UTP6: variants seen among roughly 807,000 people sequenced by gnomAD.
The protein encoded by UTP6 is UTP6 small subunit processome component, also known as U3 small nucleolar RNA-associated protein 6 homolog.
A neutral mutation model predicts 96.5 loss-of-function variants in UTP6; 60 were observed. The observed-to-expected ratio is 0.62, with a 90% CI of 0.51 to 0.77. The LOEUF is 0.77. Among genes scored for constraint, UTP6 ranks in the 30% least tolerant of loss-of-function variants. The pLI is 0.00. For missense variants in UTP6, 637 were observed against 706.5 expected (o/e 0.90, Z 1.12); for synonymous variants, 215 against 240.1 (o/e 0.90, Z 0.96).
rs1330024986 is a variant in UTP6, at chr17:31,865,414, T to C, written c.1588A>G (p.Arg530Gly). 5.0e-6 allele frequency: 8 copies of C among 1,613,652 alleles called. No homozygotes were observed. Among genetic ancestry groups the C allele is most frequent in the Non-Finnish European group, 6.8e-6 (8 of 1,179,686 alleles). ...CTCAAAGCTCTCTCATAATATTCTC[T>C]TATGTTCGCCATATTGCAGGATTCC... is the stretch of plus-strand genomic sequence containing the variant. ...EQESCNMANI[R>G]EYYERALREF... The change falls in exon 18 of 19, where the codon AGA (arginine) becomes GGA (glycine). Residue 530 changes from arginine to glycine, a missense_variant. Physicochemically the swap from Arg to Gly is moderately radical, Grantham distance 125 (BLOSUM62 -2). Coordinates refer to ENST00000261708, the MANE Select transcript of UTP6 (RefSeq NM_018428.3).
At chr17:31,892,901 G>A (rs952710310) in intron 4 of UTP6, 107 bp from the exon 5 acceptor site, 75 of 1,313,940 alleles carry the variant, frequency 5.7e-5, no homozygotes, top group African/African-American at 2.6e-4. Flanking sequence ...GGTTGGATGC[G>A]GTGGCTCACA....
intron 17 of UTP6, among the ~76,000 whole-genome samples, chr17:31,866,306 A>G (rs1437998369): frequency 6.7e-6 from 1 of 148,826 alleles, no homozygotes; most frequent in South Asian, 2.1e-4. Flanking sequence ...AAAAAAAAAA[A>G]GTATTCTTGC....
At chr17:31,881,543 G>T (rs950994944) in intron 10 of UTP6, among the ~76,000 whole-genome samples, 3 of 151,984 alleles carry the variant, frequency 2.0e-5, no homozygotes, top group Non-Finnish European at 4.4e-5. Context: ...TGCTGGGTGG[G>T]ATTACAGTGT....
At chr17:31,878,181 G>C in intron 13 of UTP6, 69 bp downstream of exon 13, 1 of 1,503,534 alleles carries the variant, frequency 6.7e-7, no homozygotes, top group Non-Finnish European at 9.2e-7. Context: ...TTTAAAACAT[G>C]ACTCTGGCAC....
chr17:31,875,342 A>C lies in UTP6; in HGVS notation c.1197T>G (p.Phe399Leu), dbSNP rs765541561. ...LEVAVAGTEL[F>L]RDSGTMWQLK... ...GCTGCCACATTGTCCCAGAGTCTCT[A>C]AACAATTCAGTTCCAGCTACTGCCA... The change falls in exon 14 of 19, where the codon TTT (phenylalanine) becomes TTG (leucine). Residue 399 changes from phenylalanine (F) to leucine (L), a missense_variant. By Grantham distance (22) the Phe-to-Leu change is conservative. Coordinates refer to ENST00000261708, the MANE Select transcript of UTP6 (RefSeq NM_018428.3). 1.2e-6 allele frequency: 2 copies of C among 1,614,186 alleles called. No homozygotes were observed. Among genetic ancestry groups the C allele is most frequent in the African/African-American group, 1.3e-5 (1 of 75,050 alleles).
chr17:31,887,167 C>G, intron 8 of UTP6, 69 bp downstream of exon 8: 7 of 1,339,734 alleles, frequency 5.2e-6, no homozygotes, highest in Non-Finnish European at 7.3e-6. Flanking sequence ...AATATTTTCT[C>G]TTACTCCTAA....
chr17:31,887,198 A>G, intron 8 of UTP6, 38 bp downstream of exon 8: 4 of 1,548,942 alleles, frequency 2.6e-6, no homozygotes, highest in South Asian at 1.1e-5. Context: ...AATGTTATAC[A>G]TCGTTAGCAA....
intron 12 of UTP6, 151 bp from the exon 13 acceptor site, chr17:31,878,478 T>C (rs1910627719): frequency 4.8e-6 from 4 of 837,078 alleles, no homozygotes; most frequent in Non-Finnish European, 7.6e-6. Flanking sequence ...ATAGATGCAA[T>C]GGGCAGCTGC....
chr17:31,901,107 A>G (rs981305318), intron 1 of UTP6, among the ~76,000 whole-genome samples: 1 of 152,168 alleles, frequency 6.6e-6, no homozygotes, highest in Non-Finnish European at 1.5e-5. Flanking sequence ...CCCACCTTCA[A>G]GTCTAGTTAG....
Position 31,901,638 on chromosome 17 carries a change from G to C in UTP6, c.-11C>G. On this transcript the variant is annotated 5_prime_UTR_variant, in exon 1 of 19. Transcript: ENST00000261708. ...AATTATCTCTGCCATGAGGTCCGAG[G>C]TCTACAACCCCGCGGGTAGCTTCTC... 1 of 1,612,784 alleles carries C rather than the reference G, an allele frequency of 6.2e-7. No individual in the cohort carries two copies. The highest frequency in any genetic ancestry group is 1.3e-5 in the African/African-American group (1 of 74,992).
chr17:31,896,866 G>A (rs1904683150), intron 2 of UTP6, among the ~76,000 whole-genome samples: 1 of 151,932 alleles, frequency 6.6e-6, no homozygotes, highest in Non-Finnish European at 1.5e-5. Context: ...GAACTCCTGG[G>A]CTCAAGCGAT....
intron 16 of UTP6, among the ~76,000 whole-genome samples, chr17:31,868,325 G>GTTTTTTTT (rs33960994): frequency 2.8e-4 from 25 of 90,500 alleles, no homozygotes; most frequent in African/African-American, 3.4e-4. Context: ...TAGTTTTTTG[G>GTTTTTTTT]TTTTTTTTTT....
In UTP6 at chr17:31,865,398, C is replaced by G. The variant is rs780634050; in HGVS notation, c.1604G>C (p.Arg535Thr). ...TGCGGATCCAAACTCTCTCAAAGCT[C>G]TCTCATAATATTCTCTTATGTTCGC... ...NMANIREYYE[R>T]ALREFGSADS... Residue 535 changes from arginine to threonine, a missense_variant, in exon 18 of 19, where the codon AGA becomes ACA. By Grantham distance (71) the Arg-to-Thr change is moderately conservative (BLOSUM62 -1). Coordinates refer to ENST00000261708, the MANE Select transcript of UTP6 (RefSeq NM_018428.3). The G allele has an allele frequency of 6.2e-7, 1 of 1,613,962 alleles. No individual in the cohort carries two copies. The highest frequency in any genetic ancestry group is 8.5e-7 in the Non-Finnish European group (1 of 1,179,980).
chr17:31,889,502 T>C (rs1465661591), intron 6 of UTP6, 99 bp from the exon 7 acceptor site: 3 of 961,780 alleles, frequency 3.1e-6, no homozygotes, highest in Non-Finnish European at 4.6e-6. Flanking sequence ...ACAATTTTTT[T>C]TTTTTTTTTT....
intron 2 of UTP6, among the ~76,000 whole-genome samples, chr17:31,895,351 G>A (rs756290730): frequency 2.6e-5 from 4 of 152,252 alleles, no homozygotes; most frequent in Non-Finnish European, 4.4e-5. Flanking sequence ...AAAACAGTTC[G>A]TATAAAAATG....
In UTP6 at chr17:31,894,692, C is replaced by T; in HGVS notation, c.265G>A (p.Val89Ile). 1.2e-6 allele frequency: 2 copies of T among 1,611,606 alleles called. No individual in the cohort carries two copies. Among genetic ancestry groups the T allele is most frequent in the Non-Finnish European group, 1.7e-6 (2 of 1,178,784 alleles). The change falls in exon 4 of 19, where the codon GTA becomes ATA. Residue 89 changes from valine (V) to isoleucine (I), a missense_variant. Val to Ile is a conservative substitution (Grantham distance 29). Coordinates refer to ENST00000261708, the MANE Select transcript of UTP6 (RefSeq NM_018428.3). Reference protein sequence around the residue: ...FKKDEIENSIVHRVQGVFQRA... With the variant: ...FKKDEIENSIIHRVQGVFQRA... ...TGGAAAACACCTTGTACCCGGTGTACAATAGAATTCTCAATCTCATCCTTC... is the reference window on the plus strand; with the variant it reads ...TGGAAAACACCTTGTACCCGGTGTATAATAGAATTCTCAATCTCATCCTTC...
In UTP6 at chr17:31,871,873, C is replaced by G. The variant is rs1057381411; in HGVS notation, c.1496+1505G>C. On this transcript the variant is annotated intron_variant, in intron 16 of 18. Transcript: ENST00000261708. ...GCGCCATTACACTCAGCCTGGGCAACAGAGCAAGACTCTGTCTCAAAGAAA... is the reference window on the plus strand; with the variant it reads ...GCGCCATTACACTCAGCCTGGGCAAGAGAGCAAGACTCTGTCTCAAAGAAA... Among the ~76,000 whole-genome samples, 5 of 151,880 alleles carry G rather than the reference C, an allele frequency of 3.3e-5. No homozygotes were observed. The East Asian group carries it at 9.7e-4, about 30-fold the overall frequency.
At chr17:31,868,637 T>C (rs569956215) in intron 16 of UTP6, among the ~76,000 whole-genome samples, 5 of 152,232 alleles carry the variant, frequency 3.3e-5, no homozygotes, top group Admixed American at 1.3e-4. Flanking sequence ...GGTTTAATTT[T>C]CTTACTGTAC....
At position 31,863,259 on chromosome 17, in the gene UTP6, G is replaced by C. The variant is rs537036036; in HGVS notation, c.*100C>G. The C allele has an allele frequency of 3.3e-6, 4 of 1,216,588 alleles. No individual in the cohort carries two copies. In the African/African-American group the frequency reaches 4.6e-5, roughly 14 times the overall value. 75.4% of individuals were successfully genotyped at this position (1,216,588 alleles called of 1,614,324 possible). A position where few individuals can be genotyped will look rare whatever the true frequency, so the allele number is the denominator to read the frequency against. ...TGTCTCAAAACCAGACAGCCATCTT[G>C]TCTGCCATCACTGAGCAAATTACAG... is the stretch of plus-strand genomic sequence containing the variant. On this transcript the variant is annotated 3_prime_UTR_variant, in exon 19 of 19. Transcript: ENST00000261708.
Sources: gnomAD v4.1 joint callset for allele counts (sites outside exome capture counted in the v4.1 genomes callset) on GRCh38, gnomAD v4.1.1 for gene constraint, MANE v1.5 for transcripts, NCBI Gene and HGNC (gene_info 2026-07-23, HGNC 2026-07-21) for gene names.